Variants in NLRP1 observed in about 807,000 individuals in gnomAD.
The protein encoded by NLRP1 is NLR family pyrin domain containing 1.
NLRP1 carries 94 observed loss-of-function variants against 136.7 expected under a neutral mutation model. That is an observed-to-expected ratio of 0.69 (90% CI 0.58 to 0.82). The LOEUF is 0.82. NLRP1 is among the 40% of genes least tolerant of loss of function. NLRP1 has a pLI of 0.00. For synonymous variants in NLRP1, 690 were observed against 725.1 expected, an observed-to-expected ratio of 0.95 and a Z score of 0.78; for missense variants, 1,575 against 1,802.7, an observed-to-expected ratio of 0.87 and a Z score of 2.29.
At chr17:5,535,161 A>G (rs934477723) in intron 8 of NLRP1, among the ~76,000 whole-genome samples, 2 of 152,024 alleles carry the variant, frequency 1.3e-5, no homozygotes, top group Non-Finnish European at 2.9e-5. Context: ...CAGAGGTTAC[A>G]GTGAGCCGAG....
Position 5,517,809 on chromosome 17 carries a change from T to A in NLRP1, c.3994A>T (p.Ile1332Phe). 6.2e-7 allele frequency: 1 copy of A among 1,614,186 alleles called. No individual in the cohort carries two copies. The highest frequency in any genetic ancestry group is 8.5e-7 in the Non-Finnish European group (1 of 1,180,034). The change falls in exon 15 of 17, where the codon ATC becomes TTC. Residue 1332 changes from isoleucine to phenylalanine, a missense_variant. Ile to Phe is a conservative substitution (Grantham distance 21). Coordinates refer to ENST00000572272, the MANE Select transcript of NLRP1 (RefSeq NM_033004.4). The stretch of plus-strand genomic sequence containing the variant: ...TTCTTGTCTTTCACTTGCAGCCTGA[T>A]CCCTGATCCCAAGTGGCCAACGTAG... ...EFYVGHLGSG[I>F]RLQVKDKKDE...
chr17:5,553,418 C>A lies in NLRP1; in HGVS notation c.2496G>T (p.Leu832=). ...TCTCCAGGAGGCAGCGAGGGCGTCTCAGGGTCTTACAAAGACTCTTCACTG... is the reference window on the plus strand; with the variant it reads ...TCTCCAGGAGGCAGCGAGGGCGTCTAAGGGTCTTACAAAGACTCTTCACTG... ...HSAVKSLCKT[L]RRPRCLLETL... is the part of the protein sequence containing the mutation. The change falls in exon 5 of 17, where the codon CTG becomes CTT. Residue 832 remains leucine, a synonymous_variant. Transcript: ENST00000572272. The A allele has an allele frequency of 6.2e-7, 1 of 1,613,960 alleles. No individual in the cohort carries two copies. Among genetic ancestry groups the A allele is most frequent in the South Asian group, 1.1e-5 (1 of 91,052 alleles).
intron 15 of NLRP1, among the ~76,000 whole-genome samples, chr17:5,506,821 G>A (rs920680649): frequency 6.7e-6 from 1 of 150,012 alleles, no homozygotes; most frequent in African/African-American, 2.5e-5. Context: ...AGAATGGCTT[G>A]AGCCCGGGTG....
At chr17:5,568,238 GTTT>G (rs898633845) in intron 3 of NLRP1, among the ~76,000 whole-genome samples, 2 of 151,410 alleles carry the variant, frequency 1.3e-5, no homozygotes, top group Non-Finnish European at 3.0e-5. Flanking sequence ...GTGTTTCATT[GTTT>G]TTTTTATTCT....
rs917035232 is a variant in NLRP1, at chr17:5,576,996, A to G, written c.652+4863T>C. 2.0e-5 allele frequency among the ~76,000 whole-genome samples: 3 copies of G among 152,192 alleles called. No individual in the cohort carries two copies. The East Asian group carries it at 5.8e-4, about 29-fold the overall frequency. On this transcript the variant is annotated intron_variant, in intron 3 of 16. Transcript: ENST00000572272. ...TAAATGCAATCCAGCATATAAACAC[A>G]ACCAAAGACAAAAACCACATGATTA... is the stretch of plus-strand genomic sequence containing the variant.
chr17:5,560,815 A>T (rs529882352), intron 3 of NLRP1, among the ~76,000 whole-genome samples: 13 of 152,292 alleles, frequency 8.5e-5, no homozygotes, highest in African/African-American at 2.9e-4. Flanking sequence ...TCACCTCCCC[A>T]GTAAGCCACC....
chr17:5,568,754 A>C (rs76634607), intron 3 of NLRP1, among the ~76,000 whole-genome samples: 5,893 of 152,258 alleles, frequency 0.039, 387 homozygotes, highest in African/African-American at 0.13. Context: ...TTTCTGCTTT[A>C]GAGGGCACCC....
chr17:5,576,332 C>G (rs1905016843), intron 3 of NLRP1, among the ~76,000 whole-genome samples: 2 of 152,138 alleles, frequency 1.3e-5, no homozygotes, highest in Admixed American at 6.5e-5. Context: ...TCAATGAATC[C>G]AGGAGCTGGT....
At chr17:5,515,938 T>A (rs1186711209) in intron 15 of NLRP1, among the ~76,000 whole-genome samples, 1 of 152,216 alleles carries the variant, frequency 6.6e-6, no homozygotes, top group Non-Finnish European at 1.5e-5. Context: ...CCTTCTAGAC[T>A]GGCACCAACC....
intron 5 of NLRP1, among the ~76,000 whole-genome samples, chr17:5,545,358 AGACACC>A (rs1237336218): frequency 2.3e-5 from 3 of 127,864 alleles, no homozygotes; most frequent in East Asian, 4.1e-4. Context: ...ACACACACAC[AGACACC>A]CACACAGACA....
At chr17:5,565,599 T>C (rs955233180) in intron 3 of NLRP1, among the ~76,000 whole-genome samples, 2 of 152,242 alleles carry the variant, frequency 1.3e-5, no homozygotes, top group Non-Finnish European at 2.9e-5. Flanking sequence ...TTTCTTGTAG[T>C]AGCTTCATAG....
intron 5 of NLRP1, among the ~76,000 whole-genome samples, chr17:5,551,343 C>T (rs559448729): frequency 3.5e-4 from 54 of 152,222 alleles, no homozygotes; most frequent in Middle Eastern, 3.4e-3. Context: ...TTCTCCATAT[C>T]TTTGTGTAGC....
At chr17:5,569,400 A>G (rs116138913) in intron 3 of NLRP1, among the ~76,000 whole-genome samples, 2,693 of 152,304 alleles carry the variant, frequency 0.018, 76 homozygotes, top group African/African-American at 0.062. Context: ...AATGACATTC[A>G]TAGGCTCAAA....
rs761656607 is a variant in NLRP1, at chr17:5,559,081, T to C, written c.1615A>G (p.Lys539Glu). 3.7e-6 allele frequency: 6 copies of C among 1,613,986 alleles called. No individual in the cohort carries two copies. In the East Asian group the frequency reaches 1.3e-4, roughly 36 times the overall value. ...CLMQQMKRKEKLTLTSKTTTT... is the reference protein window; with the variant it reads ...CLMQQMKRKEELTLTSKTTTT... ...GTGGTCTTGGAAGTCAGTGTGAGTT[T>C]TTCCTTCCGCTTCATCTGCTGCATC... The change falls in exon 4 of 17, where the codon AAA (lysine) becomes GAA (glutamate). Residue 539 changes from lysine to glutamate, a missense_variant. Coordinates refer to ENST00000572272, the MANE Select transcript of NLRP1 (RefSeq NM_033004.4).
At chr17:5,557,458 G>A (rs1407109657) in intron 4 of NLRP1, among the ~76,000 whole-genome samples, 1 of 152,166 alleles carries the variant, frequency 6.6e-6, no homozygotes, top group Non-Finnish European at 1.5e-5. Flanking sequence ...GGCCACCACA[G>A]TACCTTGTCC....
At position 5,541,116 on chromosome 17, in the gene NLRP1, C is replaced by T. The variant is rs1451942011; in HGVS notation, c.2699+741G>A. 6.6e-6 allele frequency among the ~76,000 whole-genome samples: 1 copy of T among 152,124 alleles called. No individual in the cohort carries two copies. Among genetic ancestry groups the T allele is most frequent in the Non-Finnish European group, 1.5e-5 (1 of 68,018 alleles). On this transcript the variant is annotated intron_variant, in intron 6 of 16. Transcript: ENST00000572272. This position sits in a 1 kb window ranked among gnomAD's most constrained non-coding sequence, Gnocchi z 4.2. ...CTGGAGTGTAATGAGGTGATTTCAG[C>T]TCACTGCAATGCCTACCTTCTGTGT...
chr17:5,533,228 C>T, intron 10 of NLRP1, 76 bp downstream of exon 10: 10 of 1,547,282 alleles, frequency 6.5e-6, no homozygotes, highest in Non-Finnish European at 8.7e-6. Context: ...GCCACTCTCC[C>T]CAGCATGCCC....
rs998770603 is a variant in NLRP1, at chr17:5,541,508, T to C, written c.2699+349A>G. ...ACAGCTCGTGGGAACAGGAGAAGAA[T>C]AGAAAAACACTGCTGCAATCCTCAT... On this transcript the variant is annotated intron_variant, in intron 6 of 16. Transcript: ENST00000572272. The surrounding 1 kb of genome is among the most constrained non-coding windows in gnomAD (Gnocchi z 4.2). 4.6e-5 allele frequency among the ~76,000 whole-genome samples: 7 copies of C among 152,122 alleles called. No homozygotes were observed. Among genetic ancestry groups the C allele is most frequent in the Admixed American group, 1.3e-4 (2 of 15,278 alleles).
At position 5,581,933 on chromosome 17, in the gene NLRP1, C is replaced by T. The variant is rs755462721; in HGVS notation, c.578G>A (p.Ser193Asn). ...LGSWGSPPQPSLAPREQEAPG... is the reference protein window; with the variant it reads ...LGSWGSPPQPNLAPREQEAPG... ...AGCCTCCTGCTCTCTGGGTGCTAGGCTGGGCTGAGGTGGGGATCCCCAGCT... is the reference window on the plus strand; with the variant it reads ...AGCCTCCTGCTCTCTGGGTGCTAGGTTGGGCTGAGGTGGGGATCCCCAGCT... The change falls in exon 3 of 17, where the codon AGC (serine) becomes AAC (asparagine). Residue 193 changes from serine (S) to asparagine (N), a missense_variant. Physicochemically the swap from Ser to Asn is conservative, Grantham distance 46. Coordinates refer to ENST00000572272, the MANE Select transcript of NLRP1 (RefSeq NM_033004.4). 6.2e-7 allele frequency: 1 copy of T among 1,613,798 alleles called. No homozygotes were observed. Among genetic ancestry groups the T allele is most frequent in the African/African-American group, 1.3e-5 (1 of 74,920 alleles).
Sources: gnomAD v4.1 joint callset for allele counts (sites outside exome capture counted in the v4.1 genomes callset) on GRCh38, gnomAD v4.1.1 for gene constraint, Gnocchi (gnomAD v3.1) non-coding constraint, MANE v1.5 for transcripts, NCBI Gene and HGNC (gene_info 2026-07-23, HGNC 2026-07-21) for gene names.